Variants in GRAP2 observed in about 807,000 individuals in gnomAD.
GRAP2 encodes GRB2-related adapter protein 2.
GRAP2 carries 31 observed loss-of-function variants against 43.5 expected under a neutral mutation model. The observed-to-expected ratio is 0.71, with a 90% CI of 0.54 to 0.96. The LOEUF is 0.96. GRAP2 is among the 40% of genes least tolerant of loss of function. The pLI is 0.00. For missense variants in GRAP2, 371 were observed against 424.4 expected (o/e 0.87, Z 1.11); for synonymous variants, 156 against 164.8 (o/e 0.95, Z 0.41).
In GRAP2 at chr22:39,973,132, G is replaced by T. The variant is rs1476046892; in HGVS notation, c.*2048G>T. On this transcript the variant is annotated 3_prime_UTR_variant, in exon 8 of 8. Coordinates refer to ENST00000344138, the MANE Select transcript of GRAP2 (RefSeq NM_004810.4). ...TTGGTGCTAGGTAATGTGAAATGCT[G>T]CAGTAAATAAAAGCCATAAGTAATG... 2 of 152,350 alleles carry T rather than the reference G, an allele frequency of 1.3e-5. No homozygotes were observed. The highest frequency in any genetic ancestry group is 2.9e-5 in the Non-Finnish European group (2 of 68,056). 9.4% of individuals were successfully genotyped at this position (152,350 alleles called of 1,614,324 possible).
intron 3 of GRAP2, among the ~76,000 whole-genome samples, chr22:39,958,135 C>T (rs1320065500): frequency 1.3e-5 from 2 of 152,130 alleles, no homozygotes; most frequent in East Asian, 1.9e-4. Flanking sequence ...CCTGGGGATC[C>T]CCCCTCCCAC....
intron 5 of GRAP2, 126 bp downstream of exon 5, chr22:39,966,284 G>C (rs971820371): frequency 1.4e-6 from 1 of 720,608 alleles, no homozygotes; most frequent in African/African-American, 1.8e-5. Context: ...AGAGCTCAGA[G>C]CTCTGAGGTC....
At chr22:39,916,976 A>C (rs1418632274) in intron 1 of GRAP2, among the ~76,000 whole-genome samples, 1 of 152,182 alleles carries the variant, frequency 6.6e-6, no homozygotes, top group Non-Finnish European at 1.5e-5. Context: ...AATGTGATGC[A>C]CTTCTAAACT....
chr22:39,894,194 T>C, the GRAP2 span, among the ~76,000 whole-genome samples: 1 of 152,038 alleles, frequency 6.6e-6, no homozygotes, highest in African/African-American at 2.4e-5. Context: ...ATTCTTAAAA[T>C]GGAAAATCAG....
At chr22:39,951,668 G>A (rs946822788) in intron 2 of GRAP2, among the ~76,000 whole-genome samples, 1 of 152,112 alleles carries the variant, frequency 6.6e-6, no homozygotes, top group Non-Finnish European at 1.5e-5. Context: ...AGGTTTACAC[G>A]ATGGGTACAC....
At chr22:39,942,042 C>T (rs891076573) in intron 1 of GRAP2, among the ~76,000 whole-genome samples, 1 of 152,102 alleles carries the variant, frequency 6.6e-6, no homozygotes, top group South Asian at 2.1e-4. Flanking sequence ...TAGTTATTTG[C>T]ATAACAAATT....
intron 2 of GRAP2, among the ~76,000 whole-genome samples, chr22:39,955,273 G>A (rs561236369): frequency 5.1e-4 from 78 of 152,196 alleles, no homozygotes; most frequent in Non-Finnish European, 4.1e-4. Flanking sequence ...CAGGGGGATC[G>A]CTTGAACCCA....
At chr22:39,923,543 C>A (rs754362079) in intron 1 of GRAP2, among the ~76,000 whole-genome samples, 1 of 152,174 alleles carries the variant, frequency 6.6e-6, no homozygotes, top group Non-Finnish European at 1.5e-5. Context: ...AGAAGGTAAG[C>A]TTTCTGAAGC....
At chr22:39,961,418 A>G (rs2067118716) in intron 4 of GRAP2, among the ~76,000 whole-genome samples, 1 of 152,168 alleles carries the variant, frequency 6.6e-6, no homozygotes, top group Admixed American at 6.5e-5. Context: ...TCGTTTTCTG[A>G]GCCCCAACAA....
chr22:39,942,774 A>G (rs1165589993), intron 1 of GRAP2, among the ~76,000 whole-genome samples: 2 of 152,224 alleles, frequency 1.3e-5, no homozygotes, highest in Non-Finnish European at 2.9e-5. Flanking sequence ...TGGTCAACAG[A>G]GGAAAACTTT....
At chr22:39,963,221 T>G (rs1400472646) in intron 4 of GRAP2, among the ~76,000 whole-genome samples, 1 of 152,186 alleles carries the variant, frequency 6.6e-6, no homozygotes, top group Non-Finnish European at 1.5e-5. Flanking sequence ...ACTCAGCATT[T>G]GTTAAGGGCC....
chr22:39,959,395 T>C (rs1051552932), intron 3 of GRAP2, among the ~76,000 whole-genome samples: 2 of 152,172 alleles, frequency 1.3e-5, no homozygotes, highest in East Asian at 3.9e-4. Flanking sequence ...CAGGATCTGG[T>C]TGTATAGACG....
At chr22:39,942,495 A>C (rs1309878640) in intron 1 of GRAP2, among the ~76,000 whole-genome samples, 1 of 152,096 alleles carries the variant, frequency 6.6e-6, no homozygotes, top group Non-Finnish European at 1.5e-5. Flanking sequence ...AATAAAAATT[A>C]TTTGTTGGCT....
intron 1 of GRAP2, among the ~76,000 whole-genome samples, chr22:39,935,556 C>T (rs2066798395): frequency 6.6e-6 from 1 of 152,148 alleles, no homozygotes; most frequent in African/African-American, 2.4e-5. Context: ...AAGGAATTTG[C>T]CATATTATCC....
In GRAP2 at chr22:39,959,924, C is replaced by T. The variant is rs1039750429; in HGVS notation, c.171-131C>T. Reference sequence around the variant, plus strand: ...AGCACTGGTTTGATTTCAAACAGCACCTGGTCTCTCTCTGCTCCCTACTGT... The same window carrying T: ...AGCACTGGTTTGATTTCAAACAGCATCTGGTCTCTCTCTGCTCCCTACTGT... On this transcript the variant is annotated intron_variant, in intron 3 of 7. Transcript: ENST00000344138. 5.1e-5 allele frequency: 39 copies of T among 764,990 alleles called. No individual in the cohort carries two copies. In the East Asian group the frequency reaches 8.9e-4, roughly 17 times the overall value. 47.4% of individuals were successfully genotyped at this position (764,990 alleles called of 1,614,324 possible). A position where few individuals can be genotyped will look rare whatever the true frequency, so the allele number is the denominator to read the frequency against.
At chr22:39,916,943 AATT>A (rs2066608113) in intron 1 of GRAP2, among the ~76,000 whole-genome samples, 4 of 152,120 alleles carry the variant, frequency 2.6e-5, no homozygotes, top group Admixed American at 2.0e-4. Context: ...AGTACTCAAT[AATT>A]ATTATTATCT....
chr22:39,970,789 A>G (rs1233925797), intron 7 of GRAP2, 116 bp from the exon 8 acceptor site: 10 of 942,004 alleles, frequency 1.1e-5, no homozygotes, highest in Non-Finnish European at 1.6e-5. Context: ...CAGAGGGGTC[A>G]GCCTTCAGGG....
At chr22:39,941,094 C>T (rs1002413833) in intron 1 of GRAP2, among the ~76,000 whole-genome samples, 1 of 152,176 alleles carries the variant, frequency 6.6e-6, no homozygotes, top group African/African-American at 2.4e-5. Context: ...TAAATGGCTC[C>T]TTCTGTCTCC....
At chr22:39,956,075 G>A (rs990351264) in intron 3 of GRAP2, among the ~76,000 whole-genome samples, 165 bp downstream of exon 3, 2 of 152,272 alleles carry the variant, frequency 1.3e-5, no homozygotes, top group Non-Finnish European at 2.9e-5. Context: ...GGCCAGGGCA[G>A]GAGGGAGACT....
Sources: allele counts gnomAD v4.1 joint callset (sites outside exome capture counted in the v4.1 genomes callset), GRCh38; gene constraint gnomAD v4.1.1; transcripts MANE v1.5; gene names NCBI Gene and HGNC (gene_info 2026-07-23, HGNC 2026-07-21).